Variants in DPRX observed in about 807,000 individuals in gnomAD.
DPRX encodes the protein divergent paired-related homeobox.
In DPRX, 11 loss-of-function variants were observed where a neutral mutation model predicts 8.4. The observed-to-expected ratio is 1.31, with a 90% CI of 0.82 to 2.17. DPRX has a LOEUF of 2.17. Among genes scored for constraint, DPRX ranks in the 30% most tolerant of loss-of-function variants. The pLI is 0.00. For missense variants in DPRX, 211 were observed against 236.7 expected, an observed-to-expected ratio of 0.89 and a Z score of 0.71; for synonymous variants, 72 against 87.0, an observed-to-expected ratio of 0.83 and a Z score of 0.96.
chr19:53,620,118 A>G, the DPRX span, among the ~76,000 whole-genome samples: 1 of 151,128 alleles, frequency 6.6e-6, no homozygotes, highest in Non-Finnish European at 1.5e-5. Context: ...CCCCCAGGCT[A>G]GAGTGCTATA....
the DPRX span, chr19:53,601,408 A>T: frequency 2.2e-6 from 1 of 455,206 alleles, no homozygotes; most frequent in Admixed American, 2.4e-5. Context: ...CACACCACGA[A>T]CGTCTGCAAG....
At chr19:53,633,718 C>A (rs1344936258) in intron 1 of DPRX, among the ~76,000 whole-genome samples, 1 of 152,050 alleles carries the variant, frequency 6.6e-6, no homozygotes, top group African/African-American at 2.4e-5. Context: ...CCATGTTAGC[C>A]AGAATGGTCT....
chr19:53,605,126 CA>C, the DPRX span, among the ~76,000 whole-genome samples: 3 of 151,986 alleles, frequency 2.0e-5, no homozygotes, highest in Admixed American at 6.6e-5. Flanking sequence ...TCAGCCTGGG[CA>C]ACACAGACCC....
At chr19:53,632,019 G>A, upstream of DPRX, 1 of 1,583,326 alleles carries the variant, frequency 6.3e-7, no homozygotes, top group Non-Finnish European at 8.7e-7. Context: ...GTCGGGTGTG[G>A]CTGTGGAGGA....
At chr19:53,609,901 C>T in the DPRX span, among the ~76,000 whole-genome samples, 1 of 151,964 alleles carries the variant, frequency 6.6e-6, no homozygotes, top group African/African-American at 2.4e-5. Flanking sequence ...AGGAGAATTG[C>T]TTGAACCCGG....
the DPRX span, chr19:53,603,282 A>G: frequency 2.2e-6 from 1 of 452,642 alleles, no homozygotes; most frequent in Non-Finnish European, 4.4e-6. Context: ...AAAGCCCCAC[A>G]CTCCCTACTC....
At chr19:53,626,091 C>T in the DPRX span, among the ~76,000 whole-genome samples, 12 of 151,976 alleles carry the variant, frequency 7.9e-5, no homozygotes, top group Non-Finnish European at 1.6e-4. Flanking sequence ...CACGTGCCAC[C>T]AAACCCAGCT....
chr19:53,611,633 T>C, the DPRX span, among the ~76,000 whole-genome samples: 1 of 152,170 alleles, frequency 6.6e-6, no homozygotes, highest in African/African-American at 2.4e-5. Context: ...ACATTGACAA[T>C]GCTTAAGGAG....
chr19:53,635,344 GTTGTT>G (rs974372135), intron 2 of DPRX, among the ~76,000 whole-genome samples: 1 of 152,026 alleles, frequency 6.6e-6, no homozygotes, highest in Non-Finnish European at 1.5e-5. Flanking sequence ...ACAAAATAGT[GTTGTT>G]TTGTTTTGTT....
the DPRX span, among the ~76,000 whole-genome samples, chr19:53,614,844 G>C: frequency 1.3e-5 from 2 of 151,774 alleles, no homozygotes; most frequent in African/African-American, 2.4e-5. Flanking sequence ...TTGTGGCCAG[G>C]CATGGTGGCT....
the DPRX span, chr19:53,602,274 GT>G: frequency 6.6e-6 from 1 of 152,344 alleles, no homozygotes; most frequent in Non-Finnish European, 1.3e-5. Context: ...ATGGGTGTGT[GT>G]GTGTGTGTGT....
chr19:53,602,302 G>A, the DPRX span: 5 of 340,748 alleles, frequency 1.5e-5, no homozygotes, highest in South Asian at 1.1e-4. Context: ...GTGTGTGTGT[G>A]TGTGTGTGTG....
At chr19:53,604,727 C>T in the DPRX span, among the ~76,000 whole-genome samples, 1 of 151,854 alleles carries the variant, frequency 6.6e-6, no homozygotes, top group East Asian at 1.9e-4. Context: ...CCTGTAATCC[C>T]AGCTACTCCG....
chr19:53,603,738 TTTTC>T, the DPRX span, among the ~76,000 whole-genome samples: 5 of 151,484 alleles, frequency 3.3e-5, no homozygotes, highest in Non-Finnish European at 4.4e-5. Flanking sequence ...CCTTTTTTTC[TTTTC>T]TTTCTTTTTT....
At chr19:53,604,774 C>T in the DPRX span, among the ~76,000 whole-genome samples, 14 of 148,150 alleles carry the variant, frequency 9.4e-5, no homozygotes, top group Admixed American at 4.1e-4. Flanking sequence ...ACCTGGGAGG[C>T]GGAGGTTGCA....
chr19:53,627,989 G>T (rs551361413), upstream of DPRX, among the ~76,000 whole-genome samples: 1 of 152,074 alleles, frequency 6.6e-6, no homozygotes, highest in Admixed American at 6.6e-5. Context: ...CTGAGATCAA[G>T]CCACTGAACT....
chr19:53,622,363 G>A, the DPRX span, among the ~76,000 whole-genome samples: 57 of 152,234 alleles, frequency 3.7e-4, no homozygotes, highest in African/African-American at 1.3e-3. Context: ...GGGGCTGGGC[G>A]TGGTGGTTCA....
chr19:53,616,502 C>T, the DPRX span, among the ~76,000 whole-genome samples: 22 of 152,184 alleles, frequency 1.4e-4, no homozygotes, highest in African/African-American at 5.3e-4. Context: ...CGCCTGTAAT[C>T]CCAGCACTTT....
chr19:53,610,972 G>C, the DPRX span, among the ~76,000 whole-genome samples: 1 of 151,418 alleles, frequency 6.6e-6, no homozygotes, highest in African/African-American at 2.4e-5. Flanking sequence ...GGACCATCTC[G>C]GCTCAATGAA....
Sources: gnomAD v4.1 joint callset for allele counts (sites outside exome capture counted in the v4.1 genomes callset) on GRCh38, gnomAD v4.1.1 for gene constraint, MANE v1.5 for transcripts, NCBI Gene and HGNC (gene_info 2026-07-23, HGNC 2026-07-21) for gene names.